The following STK32A variants were observed in gnomAD, a reference collection of about 807,000 sequenced individuals.
STK32A encodes the protein serine/threonine-protein kinase 32A.
A neutral mutation model predicts 53.2 loss-of-function variants in STK32A; 41 were observed. The observed-to-expected ratio is 0.77, with a 90% CI of 0.60 to 1.00. The LOEUF (loss-of-function observed/expected upper bound fraction) is 1.00, where lower values mean the gene tolerates loss of function less well. Ranked by LOEUF, STK32A falls within the 50% of genes least tolerant of loss-of-function variation. STK32A has a pLI of 0.00. For missense variants in STK32A, 458 were observed against 485.8 expected, an observed-to-expected ratio of 0.94 and a Z score of 0.54; for synonymous variants, 166 against 162.8, an observed-to-expected ratio of 1.02 and a Z score of -0.15.
intron 3 of STK32A, among the ~76,000 whole-genome samples, chr5:147,278,897 T>C (rs1751900384): frequency 6.6e-6 from 1 of 152,122 alleles, no homozygotes. Flanking sequence ...AGCTTGACAG[T>C]TCAGTCATGT....
At chr5:147,392,328 C>G (rs754207295), downstream of STK32A, 3 of 152,218 alleles carry the variant, frequency 2.0e-5, no homozygotes, top group African/African-American at 4.8e-5. Flanking sequence ...TAGGGGAAAT[C>G]CTGTTCCTTG....
intron 9 of STK32A, 97 bp downstream of exon 9, chr5:147,370,867 T>C: frequency 2.6e-6 from 2 of 758,890 alleles, no homozygotes; most frequent in Non-Finnish European, 4.6e-6. Flanking sequence ...GGGACAGTCA[T>C]GATAGTATAC....
intron 5 of STK32A, among the ~76,000 whole-genome samples, chr5:147,335,416 A>G (rs987049103): frequency 3.3e-5 from 5 of 152,182 alleles, no homozygotes; most frequent in Non-Finnish European, 1.5e-5. Flanking sequence ...ATTCAGCAGT[A>G]TCACCAACTA....
chr5:147,395,575 C>T, the STK32A span: 41 of 1,612,772 alleles, frequency 2.5e-5, no homozygotes, highest in East Asian at 1.8e-4. Flanking sequence ...GGCTAAATCC[C>T]GACTGATGAA....
rs139413472 is a variant in STK32A at position 147,251,379 on chromosome 5, G to C, written c.52+11693G>C. 5.6e-3 allele frequency among the ~76,000 whole-genome samples: 848 copies of C among 152,278 alleles called. 8 individuals carry two copies. The highest frequency in any genetic ancestry group is 0.027 in the Middle Eastern group (8 of 294). ...ACATTCTTGTTAGGGAGTGTTGGCA[G>C]AGATTGTCGAACAACCATAATGCAT... On this transcript the variant is annotated intron_variant, in intron 2 of 12. Transcript: ENST00000397936.
At chr5:147,382,233 T>C (rs1213331681) in intron 11 of STK32A, among the ~76,000 whole-genome samples, 1 of 152,220 alleles carries the variant, frequency 6.6e-6, no homozygotes, top group Admixed American at 6.5e-5. Context: ...TAGCAAATTT[T>C]TAAATTTTAG....
chr5:147,289,066 T>C (rs1173321284), intron 4 of STK32A, among the ~76,000 whole-genome samples: 2 of 152,152 alleles, frequency 1.3e-5, no homozygotes, highest in African/African-American at 4.8e-5. Flanking sequence ...CAAATCTAAA[T>C]GGTGCTTGGC....
intron 5 of STK32A, chr5:147,342,696 C>G (rs1755488739): frequency 2.9e-6 from 1 of 341,710 alleles, no homozygotes; most frequent in Non-Finnish European, 5.4e-6. Flanking sequence ...GGACCAATAT[C>G]TACATGCTTA....
At chr5:147,340,874 C>A (rs1755369857) in intron 5 of STK32A, among the ~76,000 whole-genome samples, 1 of 152,046 alleles carries the variant, frequency 6.6e-6, no homozygotes, top group Admixed American at 6.6e-5. Flanking sequence ...CAGTGACTTA[C>A]CAGAGTAGGT....
chr5:147,383,866 C>T (rs1018839019), intron 12 of STK32A, 24 bp from the exon 13 acceptor site: 14 of 1,416,610 alleles, frequency 9.9e-6, no homozygotes, highest in Non-Finnish European at 1.3e-5. Flanking sequence ...AATAAAACAT[C>T]TTTTTTTTTC....
intron 4 of STK32A, among the ~76,000 whole-genome samples, chr5:147,300,327 T>C (rs1753069099): frequency 6.6e-6 from 1 of 152,162 alleles, no homozygotes; most frequent in Non-Finnish European, 1.5e-5. Flanking sequence ...AATCCTGACT[T>C]CAAAGCCTCT....
the STK32A span, among the ~76,000 whole-genome samples, chr5:147,395,948 C>G: frequency 6.6e-6 from 1 of 151,986 alleles, no homozygotes; most frequent in South Asian, 2.1e-4. Flanking sequence ...AGATGAGCTT[C>G]GATCAGAAGG....
chr5:147,395,413 C>T, the STK32A span: 2 of 960,386 alleles, frequency 2.1e-6, no homozygotes, highest in Non-Finnish European at 3.0e-6. Flanking sequence ...TTCCTGCTTG[C>T]CCCAGTAACC....
the STK32A span, among the ~76,000 whole-genome samples, chr5:147,400,467 C>T: frequency 1.3e-5 from 2 of 152,228 alleles, no homozygotes; most frequent in Non-Finnish European, 2.9e-5. Context: ...CTAGTCCTAA[C>T]AGTCTAGATA....
chr5:147,378,086 T>C (rs1757301644), intron 11 of STK32A, among the ~76,000 whole-genome samples: 1 of 152,182 alleles, frequency 6.6e-6, no homozygotes. Flanking sequence ...ATTATATTAT[T>C]AACATGCTCG....
At chr5:147,249,908 CAAAAAA>C (rs35848112) in intron 2 of STK32A, among the ~76,000 whole-genome samples, 18 of 58,578 alleles carry the variant, frequency 3.1e-4, no homozygotes, top group East Asian at 1.2e-3. Flanking sequence ...GCCTCTGTCT[CAAAAAA>C]AAAAAAAAAA....
At chr5:147,286,131 G>A (rs1401641971) in intron 4 of STK32A, among the ~76,000 whole-genome samples, 1 of 152,126 alleles carries the variant, frequency 6.6e-6, no homozygotes, top group Non-Finnish European at 1.5e-5. Context: ...GCAGTGACCT[G>A]GATGAGATTG....
In STK32A at chr5:147,376,071, A is replaced by G. The variant is rs546224245; in HGVS notation, c.1032+853A>G. On this transcript the variant is annotated intron_variant, in intron 11 of 12. Transcript: ENST00000397936. ...GAGAAATGATTGAGATATAATTTCT[A>G]TACTCAGTGCTGTCCCTTTTCTCAA... 9.9e-5 allele frequency among the ~76,000 whole-genome samples: 15 copies of G among 152,230 alleles called. No individual in the cohort carries two copies. In the South Asian group the frequency reaches 2.1e-3, roughly 21 times the overall value.
At chr5:147,366,922 A>C (rs1756775910) in intron 8 of STK32A, among the ~76,000 whole-genome samples, 2 of 152,028 alleles carry the variant, frequency 1.3e-5, no homozygotes, top group African/African-American at 4.8e-5. Context: ...TTTCTAGATC[A>C]GAACACCTAA....
Sources: gnomAD v4.1 joint callset for allele counts (sites outside exome capture counted in the v4.1 genomes callset) on GRCh38, gnomAD v4.1.1 for gene constraint, MANE v1.5 for transcripts, NCBI Gene and HGNC (gene_info 2026-07-23, HGNC 2026-07-21) for gene names.